WDPCP: variants seen among roughly 807,000 people sequenced by gnomAD.
The protein encoded by WDPCP is WD repeat-containing and planar cell polarity effector protein fritz homolog.
Under a neutral mutation model 93.1 loss-of-function variants are expected in WDPCP, and 71 were observed. That is an observed-to-expected ratio of 0.76 (90% CI 0.63 to 0.93). WDPCP has a LOEUF of 0.93. Among genes scored for constraint, WDPCP ranks in the 40% least tolerant of loss-of-function variants. WDPCP has a pLI of 0.00. For missense variants in WDPCP, 844 were observed against 887.4 expected (o/e 0.95, Z 0.62); for synonymous variants, 315 against 315.0 (o/e 1.00, Z 0.00).
chr2:63,348,137 T>C (rs1217050315), intron 12 of WDPCP, among the ~76,000 whole-genome samples: 1 of 152,188 alleles, frequency 6.6e-6, no homozygotes, highest in Admixed American at 6.6e-5. Flanking sequence ...ATTTATTATT[T>C]ATAATCTTGG....
At chr2:63,315,878 T>C (rs1377045399) in intron 12 of WDPCP, among the ~76,000 whole-genome samples, 2 of 151,984 alleles carry the variant, frequency 1.3e-5, no homozygotes, top group East Asian at 1.9e-4. Context: ...TAGAAGACCT[T>C]GAGTCTCCTA....
chr2:63,763,917 C>T (rs1466374965), intron 2 of WDPCP, among the ~76,000 whole-genome samples: 1 of 152,108 alleles, frequency 6.6e-6, no homozygotes, highest in Non-Finnish European at 1.5e-5. Flanking sequence ...TCTATGACCT[C>T]AGTGATGACT....
intron 2 of WDPCP, among the ~76,000 whole-genome samples, chr2:63,707,226 C>T (rs1411840219): frequency 6.6e-6 from 1 of 152,176 alleles, no homozygotes; most frequent in Non-Finnish European, 1.5e-5. Flanking sequence ...GAGTGTTTTC[C>T]AACTTGGTTC....
intron 3 of WDPCP, among the ~76,000 whole-genome samples, chr2:63,636,018 G>A (rs1657416877): frequency 6.6e-6 from 1 of 152,094 alleles, no homozygotes; most frequent in Non-Finnish European, 1.5e-5. Flanking sequence ...TATCAGGATA[G>A]AAAATCAACA....
rs964697193 is a variant in WDPCP at position 63,121,794 on chromosome 2, A to C, written c.*212T>G. 1.6e-6 allele frequency: 2 copies of C among 1,256,174 alleles called. No homozygotes were observed. The highest frequency in any genetic ancestry group is 2.1e-6 in the Non-Finnish European group (2 of 957,312). The allele number at this position is 1,256,174 out of a possible 1,614,324, so 77.8% of individuals were successfully genotyped here. On this transcript the variant is annotated 3_prime_UTR_variant, in exon 18 of 18. Coordinates refer to ENST00000272321, the MANE Select transcript of WDPCP (RefSeq NM_015910.7). ...ACATTATTGAAAATAAGTAGGTTGA[A>C]GACTTTTACTTACGATCACTTTGCT...
At chr2:63,392,326 T>C (rs1693330135) in intron 10 of WDPCP, among the ~76,000 whole-genome samples, 1 of 152,262 alleles carries the variant, frequency 6.6e-6, no homozygotes, top group African/African-American at 2.4e-5. Flanking sequence ...GAAAACTGGC[T>C]AGCCATAGGT....
At chr2:63,652,518 T>C (rs1441583812) in intron 2 of WDPCP, among the ~76,000 whole-genome samples, 2 of 152,180 alleles carry the variant, frequency 1.3e-5, no homozygotes, top group East Asian at 3.9e-4. Flanking sequence ...TGTGGAAGGA[T>C]CCCACCAGAT....
chr2:63,467,594 T>C (rs1246116232), intron 6 of WDPCP, among the ~76,000 whole-genome samples: 1 of 151,984 alleles, frequency 6.6e-6, no homozygotes, highest in Non-Finnish European at 1.5e-5. Context: ...CTGGCCAATA[T>C]GGTGAAACCC....
chr2:63,633,989 G>A (rs1313426916), intron 3 of WDPCP, among the ~76,000 whole-genome samples: 1 of 152,116 alleles, frequency 6.6e-6, no homozygotes, highest in Non-Finnish European at 1.5e-5. Flanking sequence ...TTGAACCTGG[G>A]AGGTGGAGGT....
chr2:63,838,163 C>A, the WDPCP span, among the ~76,000 whole-genome samples: 1 of 151,938 alleles, frequency 6.6e-6, no homozygotes, highest in African/African-American at 2.4e-5. Context: ...TGGCACTAAA[C>A]TGGTCATTCA....
At chr2:63,352,473 C>T (rs886779059) in intron 12 of WDPCP, among the ~76,000 whole-genome samples, 1 of 152,070 alleles carries the variant, frequency 6.6e-6, no homozygotes, top group East Asian at 1.9e-4. Flanking sequence ...AATGTGAAAC[C>T]ATTTTCAATG....
intron 13 of WDPCP, among the ~76,000 whole-genome samples, chr2:63,294,336 C>G (rs1311910124): frequency 6.6e-6 from 1 of 151,706 alleles, no homozygotes; most frequent in East Asian, 1.9e-4. Context: ...AACCCCATCT[C>G]TACTAAAAAT....
chr2:63,229,614 G>C (rs1031953485), intron 14 of WDPCP: 4 of 151,906 alleles, frequency 2.6e-5, no homozygotes, highest in Non-Finnish European at 4.4e-5. Flanking sequence ...TTTTGTATAA[G>C]GTGTAAGGAA....
intron 1 of WDPCP, among the ~76,000 whole-genome samples, chr2:63,820,973 C>CTA (rs1463023307): frequency 2.0e-5 from 3 of 152,062 alleles, no homozygotes; most frequent in Non-Finnish European, 2.9e-5. Context: ...AATTATGAGA[C>CTA]TATAGCTTTT....
At chr2:63,258,326 T>A (rs1417371557) in intron 14 of WDPCP, among the ~76,000 whole-genome samples, 1 of 152,124 alleles carries the variant, frequency 6.6e-6, no homozygotes, top group Non-Finnish European at 1.5e-5. Flanking sequence ...GAGAATGGGA[T>A]TATCTTGCTA....
At chr2:63,469,231 C>T (rs1313697118) in intron 6 of WDPCP, among the ~76,000 whole-genome samples, 1 of 152,176 alleles carries the variant, frequency 6.6e-6, no homozygotes, top group African/African-American at 2.4e-5. Context: ...AAAAGGAATG[C>T]TTATACACTG....
At chr2:63,363,799 A>G (rs1173352073) in intron 12 of WDPCP, among the ~76,000 whole-genome samples, 1 of 152,142 alleles carries the variant, frequency 6.6e-6, no homozygotes, top group Admixed American at 6.6e-5. Context: ...TTTGAAAGTG[A>G]TAACTCTGAT....
chr2:63,581,354 G>A (rs1009648150), intron 1 of WDPCP, among the ~76,000 whole-genome samples: 20 of 152,266 alleles, frequency 1.3e-4, no homozygotes, highest in African/African-American at 4.6e-4. Context: ...ATTTCAGAGG[G>A]TTCCGCTTGA....
intron 2 of WDPCP, among the ~76,000 whole-genome samples, chr2:63,700,483 G>C (rs187599961): frequency 1.0e-3 from 158 of 152,162 alleles, no homozygotes; most frequent in African/African-American, 3.6e-3. Context: ...ATCAATTACA[G>C]ATGGATAACG....
Sources: allele counts gnomAD v4.1 joint callset (sites outside exome capture counted in the v4.1 genomes callset), GRCh38; gene constraint gnomAD v4.1.1; transcripts MANE v1.5; gene names NCBI Gene and HGNC (gene_info 2026-07-23, HGNC 2026-07-21).